The following SNTG1 variants were observed in gnomAD, a reference collection of about 807,000 sequenced individuals.
SNTG1 encodes the protein syntrophin gamma 1.
SNTG1 carries 39 observed loss-of-function variants against 74.7 expected under a neutral mutation model. The observed-to-expected ratio is 0.52, with a 90% CI of 0.40 to 0.68. The LOEUF (loss-of-function observed/expected upper bound fraction) is 0.68, where lower values mean the gene tolerates loss of function less well. SNTG1 is among the 30% of genes least tolerant of loss of function. The pLI, the probability that SNTG1 is intolerant of heterozygous loss-of-function variation, is 0.00. For missense variants in SNTG1, 685 were observed against 609.5 expected (o/e 1.12, Z -1.30); for synonymous variants, 254 against 217.1 (o/e 1.17, Z -1.49).
intron 1 of SNTG1, among the ~76,000 whole-genome samples, chr8:49,998,933 G>A (rs1488371304): frequency 6.6e-6 from 1 of 152,114 alleles, no homozygotes; most frequent in Non-Finnish European, 1.5e-5. Flanking sequence ...AACTGTGTGT[G>A]CAGACTTCTA....
chr8:50,018,032 TAGAC>T (rs1464240221), intron 1 of SNTG1, among the ~76,000 whole-genome samples: 3 of 151,984 alleles, frequency 2.0e-5, no homozygotes, highest in Admixed American at 6.6e-5. Flanking sequence ...TCTAAATAAA[TAGAC>T]AGAAAATCCA....
chr8:50,204,245 A>G (rs2084106169), intron 2 of SNTG1, among the ~76,000 whole-genome samples: 3 of 152,206 alleles, frequency 2.0e-5, no homozygotes, highest in South Asian at 2.1e-4. Context: ...TTTCTATTTC[A>G]TAATATCTCC....
At chr8:50,184,230 A>C (rs1376327629) in intron 2 of SNTG1, among the ~76,000 whole-genome samples, 1 of 151,066 alleles carries the variant, frequency 6.6e-6, no homozygotes, top group Admixed American at 6.6e-5. Context: ...CAGTGGTGTG[A>C]TCTCGGCTCA....
chr8:50,530,107 A>G (rs1007224000), intron 9 of SNTG1, 70 bp from the exon 10 acceptor site: 19 of 1,197,396 alleles, frequency 1.6e-5, no homozygotes, highest in Middle Eastern at 1.9e-4. Flanking sequence ...TTGAAAGTGT[A>G]ATGGAATGCA....
intron 1 of SNTG1, among the ~76,000 whole-genome samples, chr8:49,930,098 G>A (rs1368629382): frequency 4.0e-5 from 6 of 151,856 alleles, no homozygotes; most frequent in South Asian, 2.1e-4. Flanking sequence ...AGACTGCTTC[G>A]AAAACAATTT....
intron 1 of SNTG1, among the ~76,000 whole-genome samples, chr8:50,081,133 A>C (rs1001597759): frequency 2.0e-5 from 3 of 152,090 alleles, no homozygotes; most frequent in African/African-American, 7.2e-5. Flanking sequence ...TGACACTTTT[A>C]ATTTTTTCTG....
At chr8:50,016,420 C>T (rs994785400) in intron 1 of SNTG1, among the ~76,000 whole-genome samples, 5 of 152,114 alleles carry the variant, frequency 3.3e-5, no homozygotes, top group Admixed American at 6.6e-5. Context: ...GAGTGGTCAA[C>T]GTTGAGTTCC....
At chr8:50,398,199 G>A (rs1286955066) in intron 3 of SNTG1, among the ~76,000 whole-genome samples, 2 of 152,142 alleles carry the variant, frequency 1.3e-5, no homozygotes, top group African/African-American at 2.4e-5. Context: ...CTTCTACTCT[G>A]CTACAAGAAA....
At chr8:50,737,591 G>C (rs1480181619) in intron 17 of SNTG1, among the ~76,000 whole-genome samples, 1 of 152,018 alleles carries the variant, frequency 6.6e-6, no homozygotes, top group Non-Finnish European at 1.5e-5. Context: ...GCAAAACCTA[G>C]TAGAGACACA....
At chr8:50,529,428 A>G (rs1471275399) in intron 9 of SNTG1, among the ~76,000 whole-genome samples, 1 of 152,132 alleles carries the variant, frequency 6.6e-6, no homozygotes, top group East Asian at 1.9e-4. Flanking sequence ...TTTGAAATCA[A>G]GTATAATATT....
chr8:50,658,771 G>T, intron 15 of SNTG1, 108 bp downstream of exon 15: 2 of 691,038 alleles, frequency 2.9e-6, no homozygotes, highest in South Asian at 4.0e-5. Flanking sequence ...TGAAAGAAGA[G>T]ACACGATAAA....
intron 1 of SNTG1, among the ~76,000 whole-genome samples, chr8:50,067,822 A>C (rs1340703539): frequency 6.6e-6 from 1 of 152,196 alleles, no homozygotes; most frequent in African/African-American, 2.4e-5. Context: ...CAGTGCACAC[A>C]GACCCCTGTG....
intron 1 of SNTG1, among the ~76,000 whole-genome samples, chr8:50,042,755 G>T (rs1056293046): frequency 2.6e-5 from 4 of 151,640 alleles, no homozygotes; most frequent in African/African-American, 9.7e-5. Flanking sequence ...TAGAGGTAAG[G>T]TCTTGCATTG....
intron 1 of SNTG1, among the ~76,000 whole-genome samples, chr8:50,142,445 CTTT>C (rs2081696119): frequency 6.7e-6 from 1 of 149,646 alleles, no homozygotes; most frequent in South Asian, 2.1e-4. Context: ...TTGCTTTTTA[CTTT>C]TTAACACAAA....
chr8:50,076,395 T>C (rs1484911282), intron 1 of SNTG1, among the ~76,000 whole-genome samples: 1 of 152,198 alleles, frequency 6.6e-6, no homozygotes, highest in African/African-American at 2.4e-5. Flanking sequence ...GTAGGTTCTA[T>C]AAAAATGTAT....
chr8:50,584,088 C>A (rs1195136563), intron 12 of SNTG1, among the ~76,000 whole-genome samples: 1 of 152,112 alleles, frequency 6.6e-6, no homozygotes, highest in Non-Finnish European at 1.5e-5. Flanking sequence ...CATGTCCCTA[C>A]AAAGGACATG....
chr8:50,242,977 T>G (rs2129704242), intron 2 of SNTG1, among the ~76,000 whole-genome samples: 1 of 152,198 alleles, frequency 6.6e-6, no homozygotes, highest in Non-Finnish European at 1.5e-5. Flanking sequence ...TCTGTTGAGA[T>G]CTATGAGTTT....
intron 10 of SNTG1, among the ~76,000 whole-genome samples, chr8:50,535,221 TAG>T (rs1451739890): frequency 6.6e-6 from 1 of 152,168 alleles, no homozygotes; most frequent in Non-Finnish European, 1.5e-5. Context: ...CATAGTAAGA[TAG>T]AGACTACAAA....
chr8:50,147,758 T>A (rs573525308), intron 1 of SNTG1, among the ~76,000 whole-genome samples: 3 of 152,300 alleles, frequency 2.0e-5, no homozygotes, highest in South Asian at 2.1e-4. Context: ...GAGATGCAGG[T>A]TAGGATACAT....
Sources: gnomAD v4.1 joint callset for allele counts (sites outside exome capture counted in the v4.1 genomes callset) on GRCh38, gnomAD v4.1.1 for gene constraint, MANE v1.5 for transcripts, NCBI Gene and HGNC (gene_info 2026-07-23, HGNC 2026-07-21) for gene names.